The following B3GALT1 variants were observed in gnomAD, a reference collection of about 807,000 sequenced individuals.
B3GALT1 encodes UDP-Gal:betaGlcNAc beta 1,3-galactosyltransferase, polypeptide 1.
In B3GALT1, 10 loss-of-function variants were observed where a neutral mutation model predicts 23.2. That is an observed-to-expected ratio of 0.43 (90% confidence interval 0.27 to 0.73). The LOEUF (loss-of-function observed/expected upper bound fraction) is 0.73, where lower values mean the gene tolerates loss of function less well. B3GALT1 is among the 30% of genes least tolerant of loss of function. The probability of loss-of-function intolerance (pLI) is 0.21; values close to 1 mark genes in which losing one functional copy is unlikely to be tolerated. For synonymous variants in B3GALT1, 156 were observed against 141.5 expected (o/e 1.10, Z -0.73); for missense variants, 299 against 405.4 (o/e 0.74, Z 2.25).
At chr2:167,577,458 T>G (rs1237221099) in intron 2 of B3GALT1, among the ~76,000 whole-genome samples, 1 of 151,878 alleles carries the variant, frequency 6.6e-6, no homozygotes, top group Non-Finnish European at 1.5e-5. Flanking sequence ...AACACCTTTA[T>G]TTTTATTTTT....
intron 1 of B3GALT1, among the ~76,000 whole-genome samples, chr2:167,472,932 A>C (rs950259665): frequency 6.6e-6 from 1 of 152,122 alleles, no homozygotes; most frequent in Non-Finnish European, 1.5e-5. Flanking sequence ...TTTTTGTGAA[A>C]AAGTGAAGGA....
chr2:167,628,993 C>T (rs941974565), intron 2 of B3GALT1, among the ~76,000 whole-genome samples: 1 of 151,576 alleles, frequency 6.6e-6, no homozygotes, highest in African/African-American at 2.4e-5. Flanking sequence ...GTCAAGGTCA[C>T]TAGTATCTAC....
intron 1 of B3GALT1, among the ~76,000 whole-genome samples, chr2:167,320,450 A>G (rs1394787824): frequency 1.3e-5 from 2 of 152,012 alleles, no homozygotes; most frequent in East Asian, 1.9e-4. Context: ...TTGGCCTCCC[A>G]GAGTGCTGGG....
chr2:167,476,748 T>A (rs1174737182), intron 1 of B3GALT1, among the ~76,000 whole-genome samples: 1 of 152,194 alleles, frequency 6.6e-6, no homozygotes, highest in Non-Finnish European at 1.5e-5. Context: ...TGAGCAAAGT[T>A]GAACAATTCA....
At chr2:167,527,659 T>A (rs1683244807) in intron 2 of B3GALT1, among the ~76,000 whole-genome samples, 1 of 152,202 alleles carries the variant, frequency 6.6e-6, no homozygotes, top group Non-Finnish European at 1.5e-5. Context: ...TATTGCATGC[T>A]TTTTTCATAA....
At chr2:167,325,162 A>G (rs1207745485) in intron 1 of B3GALT1, among the ~76,000 whole-genome samples, 3 of 152,170 alleles carry the variant, frequency 2.0e-5, no homozygotes, top group Non-Finnish European at 4.4e-5. Context: ...GTGCTACAAT[A>G]AACATGGGAA....
chr2:167,554,281 T>A (rs1683804453), intron 2 of B3GALT1, among the ~76,000 whole-genome samples: 1 of 152,218 alleles, frequency 6.6e-6, no homozygotes, highest in Non-Finnish European at 1.5e-5. Context: ...GCACTTAAGA[T>A]ATGTCCTTTC....
intron 2 of B3GALT1, among the ~76,000 whole-genome samples, chr2:167,534,331 T>C (rs1313758785): frequency 6.6e-6 from 1 of 152,150 alleles, no homozygotes; most frequent in Non-Finnish European, 1.5e-5. Context: ...TTCTCTTCTT[T>C]TGTACAGTAG....
At chr2:167,739,248 G>A (rs1445127305) in intron 3 of B3GALT1, among the ~76,000 whole-genome samples, 1 of 152,168 alleles carries the variant, frequency 6.6e-6, no homozygotes, top group Non-Finnish European at 1.5e-5. Flanking sequence ...CTGAATTTAA[G>A]ACTCACATGT....
At chr2:167,549,222 G>A (rs1683703471) in intron 2 of B3GALT1, among the ~76,000 whole-genome samples, 1 of 152,282 alleles carries the variant, frequency 6.6e-6, no homozygotes, top group Admixed American at 6.5e-5. Flanking sequence ...TATGTTGGCG[G>A]GGGGCTCACA....
At chr2:167,726,800 T>C (rs1182892298) in intron 3 of B3GALT1, among the ~76,000 whole-genome samples, 3 of 152,254 alleles carry the variant, frequency 2.0e-5, no homozygotes. Context: ...CCTTGCAGAA[T>C]AGAATCTGAA....
chr2:167,632,610 GT>G (rs1685470342), intron 2 of B3GALT1, among the ~76,000 whole-genome samples: 1 of 151,870 alleles, frequency 6.6e-6, no homozygotes, highest in South Asian at 2.1e-4. Flanking sequence ...AGAAGTGTCT[GT>G]TTATATCCTT....
chr2:167,580,664 G>T (rs1684468266), intron 2 of B3GALT1, among the ~76,000 whole-genome samples: 1 of 152,106 alleles, frequency 6.6e-6, no homozygotes, highest in Non-Finnish European at 1.5e-5. Flanking sequence ...CTGATTTTCA[G>T]TTCTGTTAGT....
chr2:167,606,184 C>T (rs1684958822), intron 2 of B3GALT1, among the ~76,000 whole-genome samples: 1 of 152,174 alleles, frequency 6.6e-6, no homozygotes, highest in South Asian at 2.1e-4. Flanking sequence ...TCTTGCCACT[C>T]ATGGAATTAG....
chr2:167,422,924 T>A (rs931278446), intron 1 of B3GALT1, among the ~76,000 whole-genome samples: 8 of 152,052 alleles, frequency 5.3e-5, no homozygotes, highest in Non-Finnish European at 8.8e-5. Context: ...GGTGAACTAC[T>A]GAAATACAGA....
chr2:167,456,652 T>C (rs1699177842), intron 1 of B3GALT1, among the ~76,000 whole-genome samples: 1 of 152,162 alleles, frequency 6.6e-6, no homozygotes, highest in Admixed American at 6.5e-5. Flanking sequence ...GTTTGATAAT[T>C]TTCTAGAACA....
At chr2:167,715,755 C>CA in intron 3 of B3GALT1, 1 of 1,613,142 alleles carries the variant, frequency 6.2e-7, no homozygotes, top group Non-Finnish European at 8.5e-7. Flanking sequence ...TCATAGCCTT[C>CA]ATACTCTTTT....
intron 3 of B3GALT1, among the ~76,000 whole-genome samples, chr2:167,778,589 A>C (rs968150953): frequency 3.3e-5 from 5 of 152,216 alleles, no homozygotes; most frequent in Admixed American, 6.5e-5. Flanking sequence ...CAGCACTCAG[A>C]ATAGAGACCC....
At chr2:167,297,444 C>T (rs1696369486) in intron 1 of B3GALT1, among the ~76,000 whole-genome samples, 1 of 150,278 alleles carries the variant, frequency 6.7e-6, no homozygotes, top group Non-Finnish European at 1.5e-5. Context: ...AAAGTTTATG[C>T]ATCAAAAAAA....
Sources: gnomAD v4.1 joint callset for allele counts (sites outside exome capture counted in the v4.1 genomes callset) on GRCh38, gnomAD v4.1.1 for gene constraint, MANE v1.5 for transcripts, NCBI Gene and HGNC (gene_info 2026-07-23, HGNC 2026-07-21) for gene names.